MYB: variants seen among roughly 807,000 people sequenced by gnomAD.
MYB encodes the protein MYB proto-oncogene, transcription factor.
A neutral mutation model predicts 92.9 loss-of-function variants in MYB; 28 were observed. The ratio of observed to expected loss-of-function variants is 0.30; its 90% CI spans 0.22 to 0.41. The LOEUF is 0.41. Ranked by LOEUF, MYB falls within the 10% of genes least tolerant of loss-of-function variation. The pLI is 1.00. For missense variants in MYB, 679 were observed against 929.3 expected, an observed-to-expected ratio of 0.73 and a Z score of 3.50; for synonymous variants, 295 against 329.1, an observed-to-expected ratio of 0.90 and a Z score of 1.12.
rs1370196556 is a variant in MYB at position 135,200,333 on chromosome 6, T to C, written c.1868T>C (p.Ile623Thr). 1.2e-6 allele frequency: 2 copies of C among 1,614,126 alleles called. No homozygotes were observed. Reference sequence around the variant, plus strand: ...CTAGTAGAAGATCTGCAGGATGTGATCAAACAGGAATCTGATGAATCTGGA... The same window carrying C: ...CTAGTAGAAGATCTGCAGGATGTGACCAAACAGGAATCTGATGAATCTGGA... ...SHLVEDLQDV[I>T]KQESDESGIV... Residue 623 changes from isoleucine (I) to threonine (T), a missense_variant, in exon 13 of 16, where the codon ATC (isoleucine) becomes ACC (threonine). Ile to Thr is a moderately conservative substitution (Grantham distance 89). Around this residue, in one of 8 missense-constraint regions of MYB, gnomAD observed 402 missense variants for 434.2 expected, o/e 0.93. Coordinates refer to ENST00000341911, the MANE Select transcript of MYB (RefSeq NM_001130173.2).
chr6:135,198,931 T>C lies in MYB; in HGVS notation c.1590T>C (p.His530=). 1 of 1,610,372 alleles carries C rather than the reference T, an allele frequency of 6.2e-7. No individual in the cohort carries two copies. Among genetic ancestry groups the C allele is most frequent in the Non-Finnish European group, 8.5e-7 (1 of 1,176,910 alleles). ...PSQFLNTSSN[H]ENSDLEMPSL... ...AGTTCTTAAACACTTCCAGTAACCA[T>C]GAAAACTCAGACTTGGAAATGCCTT... Residue 530 remains histidine (H), a synonymous_variant, in exon 11 of 16, where the codon CAT becomes CAC. Coordinates refer to ENST00000341911, the MANE Select transcript of MYB (RefSeq NM_001130173.2).
chr6:135,183,213 G>A (rs1172281203), intron 1 of MYB, among the ~76,000 whole-genome samples: 1 of 151,940 alleles, frequency 6.6e-6, no homozygotes, highest in African/African-American at 2.4e-5. Context: ...ACCTGCCTCA[G>A]GGGAAGAGAA....
chr6:135,205,931 C>T (rs538137372), intron 15 of MYB, among the ~76,000 whole-genome samples: 2 of 152,170 alleles, frequency 1.3e-5, no homozygotes, highest in Non-Finnish European at 2.9e-5. Flanking sequence ...CTGGGCTGGG[C>T]GTGGTGGCTC....
In MYB at chr6:135,218,032, G is replaced by A. The variant is rs754377040; in HGVS notation, c.*52G>A. The A allele has an allele frequency of 7.3e-7, 1 of 1,378,406 alleles. No individual in the cohort carries two copies. The highest frequency in any genetic ancestry group is 2.3e-5 in the East Asian group (1 of 43,636). 85.4% of individuals were successfully genotyped at this position (1,378,406 alleles called of 1,614,324 possible). On this transcript the variant is annotated 3_prime_UTR_variant, in exon 16 of 16. Transcript: ENST00000341911. The stretch of plus-strand genomic sequence containing the variant: ...TTCAGAACACTTCAAGTTGACTTGG[G>A]ATATATCATTCCTCAACATGAAACT...
At position 135,206,175 on chromosome 6, in the gene MYB, C is replaced by T. The variant is rs186840489; in HGVS notation, c.2169+2851C>T. On this transcript the variant is annotated intron_variant, in intron 15 of 15. Coordinates refer to ENST00000341911, the MANE Select transcript of MYB (RefSeq NM_001130173.2). ...GAGCTGAGATAGCGCCACTACACTC[C>T]GGCCTGGGTGACTGAGCGAGACTCC... Among the ~76,000 whole-genome samples, 735 of 131,568 alleles carry T rather than the reference C, an allele frequency of 5.6e-3. 2 individuals carry two copies. Among genetic ancestry groups the T allele is most frequent in the Middle Eastern group, 0.011 (2 of 182 alleles). The allele number at this position is 131,568 out of a possible 152,430, so 86.3% of individuals were successfully genotyped here. A position where few individuals can be genotyped will look rare whatever the true frequency, so the allele number is the denominator to read the frequency against.
chr6:135,191,638 G>A (rs1337804871), intron 5 of MYB, among the ~76,000 whole-genome samples: 1 of 152,144 alleles, frequency 6.6e-6, no homozygotes, highest in Non-Finnish European at 1.5e-5. Flanking sequence ...TAGAAAAAGG[G>A]AGACTTAAAC....
At chr6:135,215,293 C>G (rs1020599098) in intron 15 of MYB, among the ~76,000 whole-genome samples, 4 of 152,184 alleles carry the variant, frequency 2.6e-5, no homozygotes, top group Non-Finnish European at 4.4e-5. Context: ...CCCATCTCAG[C>G]ACTTTCCTGG....
chr6:135,194,854 T>G, intron 8 of MYB: 1 of 1,103,904 alleles, frequency 9.1e-7, no homozygotes, highest in East Asian at 4.6e-5. Flanking sequence ...ATTTTATAAT[T>G]TCAGACATGA....
chr6:135,193,989 A>T, intron 7 of MYB, 71 bp downstream of exon 7: 1 of 1,263,396 alleles, frequency 7.9e-7, no homozygotes, highest in Non-Finnish European at 1.2e-6. Flanking sequence ...ATCTAAACAC[A>T]TATTTTTACC....
chr6:135,183,525 T>A (rs555571006), intron 1 of MYB, among the ~76,000 whole-genome samples: 58 of 152,240 alleles, frequency 3.8e-4, no homozygotes, highest in Admixed American at 6.5e-4. Context: ...GAAAATCCTC[T>A]GACTGTTGGG....
At chr6:135,193,602 T>C (rs1038842448) in intron 6 of MYB, among the ~76,000 whole-genome samples, 3 of 152,228 alleles carry the variant, frequency 2.0e-5, no homozygotes, top group Admixed American at 6.5e-5. Context: ...CTTCCCAAAA[T>C]TTAAAGTGCT....
At chr6:135,207,559 G>A (rs886473483) in intron 15 of MYB, among the ~76,000 whole-genome samples, 6 of 152,056 alleles carry the variant, frequency 3.9e-5, no homozygotes, top group African/African-American at 4.8e-5. Flanking sequence ...TGCTTCTAAC[G>A]TACATATAAA....
At position 135,192,548 on chromosome 6, in the gene MYB, A is replaced by G; in HGVS notation, c.752A>G (p.Glu251Gly). The G allele has an allele frequency of 6.2e-7, 1 of 1,613,940 alleles. No homozygotes were observed. The highest frequency in any genetic ancestry group is 8.5e-7 in the Non-Finnish European group (1 of 1,179,746). ...GACTATTCCTATTACCACATTTCTG[A>G]AGCACAAAATGTAAGCCATTCCTGT... ...NNDYSYYHIS[E>G]AQNVSSHVPY... is the part of the protein sequence containing the mutation. The change falls in exon 6 of 16, where the codon GAA becomes GGA. Residue 251 changes from glutamate to glycine, a missense_variant. By Grantham distance (98) the Glu-to-Gly change is moderately conservative. Coordinates refer to ENST00000341911, the MANE Select transcript of MYB (RefSeq NM_001130173.2).
chr6:135,190,171 T>G lies in MYB; in HGVS notation c.351T>G (p.Val117=). The G allele has an allele frequency of 1.2e-6, 2 of 1,614,212 alleles. No homozygotes were observed. The highest frequency in any genetic ancestry group is 1.7e-6 in the Non-Finnish European group (2 of 1,180,024). The change falls in exon 5 of 16, where the codon GTT becomes GTG. Residue 117 remains valine, a synonymous_variant. Transcript: ENST00000341911. The surrounding 1 kb of genome is among the most constrained non-coding windows in gnomAD (Gnocchi z 4.5). The part of the protein sequence containing the change: ...VQKYGPKRWS[V]IAKHLKGRIG... Reference sequence around the variant, plus strand: ...AATACGGTCCGAAACGTTGGTCTGTTATTGCCAAGCACTTAAAGGGGAGAA... The same window carrying G: ...AATACGGTCCGAAACGTTGGTCTGTGATTGCCAAGCACTTAAAGGGGAGAA...
chr6:135,201,467 C>G (rs902637101), intron 13 of MYB, among the ~76,000 whole-genome samples, 172 bp from the exon 14 acceptor site: 3 of 152,158 alleles, frequency 2.0e-5, no homozygotes, highest in African/African-American at 7.2e-5. Context: ...TTCAAATTTG[C>G]CATCAGTGTT....
At chr6:135,212,150 C>T (rs780016607) in intron 15 of MYB, among the ~76,000 whole-genome samples, 4 of 147,710 alleles carry the variant, frequency 2.7e-5, no homozygotes, top group Non-Finnish European at 4.5e-5. Flanking sequence ...GTTTTATATA[C>T]CATTGATGCC....
At chr6:135,193,805 T>C in intron 6 of MYB, 33 bp from the exon 7 acceptor site, 2 of 1,494,176 alleles carry the variant, frequency 1.3e-6, no homozygotes, top group Non-Finnish European at 1.9e-6. Context: ...TAGCCCTGAA[T>C]GACGTGGCCT....
At chr6:135,185,032 T>G (rs1583239504) in intron 1 of MYB, among the ~76,000 whole-genome samples, 1 of 152,184 alleles carries the variant, frequency 6.6e-6, no homozygotes, top group African/African-American at 2.4e-5. Context: ...CTTTCGAAAA[T>G]AGTAATGGGT....
chr6:135,193,110 A>T (rs1279866045), intron 6 of MYB, among the ~76,000 whole-genome samples: 1 of 152,164 alleles, frequency 6.6e-6, no homozygotes, highest in South Asian at 2.1e-4. Flanking sequence ...GAACTTTGTG[A>T]CATTCATTTT....
Sources: allele counts gnomAD v4.1 joint callset (sites outside exome capture counted in the v4.1 genomes callset), GRCh38; gene constraint gnomAD v4.1.1; regional missense constraint gnomAD v4.1.1; non-coding constraint Gnocchi (gnomAD v3.1); transcripts MANE v1.5; gene names NCBI Gene and HGNC (gene_info 2026-07-23, HGNC 2026-07-21).